Variants in MPDZ observed in about 807,000 individuals in gnomAD.
MPDZ encodes multiple PDZ domain protein.
Under a neutral mutation model 239.1 loss-of-function variants are expected in MPDZ, and 234 were observed. That is an observed-to-expected ratio of 0.98 (90% confidence interval 0.88 to 1.09). MPDZ has a LOEUF of 1.09. Ranked by LOEUF, MPDZ falls within the 50% of genes least tolerant of loss-of-function variation. The pLI is 0.00. For synonymous variants in MPDZ, 1,048 were observed against 881.3 expected, an observed-to-expected ratio of 1.19 and a Z score of -3.35; for missense variants, 3,175 against 2,510.0, an observed-to-expected ratio of 1.26 and a Z score of -5.66.
chr9:13,192,453 T>A (rs921775492), intron 14 of MPDZ, among the ~76,000 whole-genome samples, 158 bp from the exon 15 acceptor site: 20 of 152,166 alleles, frequency 1.3e-4, no homozygotes, highest in Non-Finnish European at 2.2e-4. Flanking sequence ...TATCTAAATT[T>A]ATGTGCAAGT....
In MPDZ at chr9:13,251,906, T is replaced by C. The variant is rs552891129; in HGVS notation, c.-57-1534A>G. 9.2e-5 allele frequency among the ~76,000 whole-genome samples: 14 copies of C among 152,322 alleles called. 1 individual carries two copies. In the South Asian group the frequency reaches 2.3e-3, roughly 25 times the overall value. On this transcript the variant is annotated intron_variant, in intron 1 of 46. Coordinates refer to ENST00000319217, the MANE Select transcript of MPDZ (RefSeq NM_001378778.1). ...AGAGGACACTGGCTCTGACCTGGAATTGAAACTTAAACAGAAGTGTGGCCT... is the reference window on the plus strand; with the variant it reads ...AGAGGACACTGGCTCTGACCTGGAACTGAAACTTAAACAGAAGTGTGGCCT...
At chr9:13,118,219 G>A (rs1211689278) in intron 39 of MPDZ, among the ~76,000 whole-genome samples, 1 of 151,904 alleles carries the variant, frequency 6.6e-6, no homozygotes, top group Admixed American at 6.6e-5. Context: ...TCTTTCTTTA[G>A]GATATATAAT....
At chr9:13,142,347 C>G (rs939924990) in intron 27 of MPDZ, among the ~76,000 whole-genome samples, 1 of 152,060 alleles carries the variant, frequency 6.6e-6, no homozygotes, top group Non-Finnish European at 1.5e-5. Context: ...ACTAATAAAA[C>G]CAATATAAGC....
chr9:13,187,031 A>G (rs1301544823), intron 17 of MPDZ, among the ~76,000 whole-genome samples: 3 of 152,248 alleles, frequency 2.0e-5, no homozygotes, highest in South Asian at 4.1e-4. Flanking sequence ...GCTGACAGAA[A>G]AGCTAACATA....
chr9:13,107,171 C>G lies in MPDZ; in HGVS notation c.6067-60G>C. 6.0e-6 allele frequency: 9 copies of G among 1,493,930 alleles called. No homozygotes were observed. In the South Asian group the frequency reaches 1.1e-4, roughly 18 times the overall value. The allele number at this position is 1,493,930 out of a possible 1,614,324, so 92.5% of individuals were successfully genotyped here. ...AAAAATGCTGCCTTGCAACTCACAA[C>G]AGAAAAAGATCTCAACAGGAATGTA... is the stretch of plus-strand genomic sequence containing the variant. On this transcript the variant is annotated intron_variant, in intron 46 of 46. Transcript: ENST00000319217.
At chr9:13,263,919 C>G (rs193090753) in intron 1 of MPDZ, among the ~76,000 whole-genome samples, 41 of 152,178 alleles carry the variant, frequency 2.7e-4, no homozygotes, top group African/African-American at 9.6e-4. Context: ...TAAGCTAATA[C>G]TAAATTATGG....
intron 12 of MPDZ, among the ~76,000 whole-genome samples, chr9:13,201,227 A>C (rs771671193): frequency 1.3e-5 from 2 of 152,070 alleles, no homozygotes; most frequent in Non-Finnish European, 2.9e-5. Flanking sequence ...ACATAAGTAT[A>C]GCCACTCCTG....
intron 25 of MPDZ, among the ~76,000 whole-genome samples, chr9:13,148,325 T>C (rs1005444136): frequency 6.6e-6 from 1 of 152,064 alleles, no homozygotes; most frequent in African/African-American, 2.4e-5. Context: ...ACACACTTTA[T>C]GAATAAGAAG....
Position 13,147,604 on chromosome 9 carries a change from G to C in MPDZ, c.3685C>G (p.Arg1229Gly). ...AAGACTACAGGGTTGCCTGCTTTCC[G>C]AATGGCTTCCACAGCTTGTTCATGG... is the stretch of plus-strand genomic sequence containing the variant. ...ASHEQAVEAI[R>G]KAGNPVVFMV... Residue 1229 changes from arginine (R) to glycine (G), a missense_variant, in exon 26 of 47, where the codon CGG (arginine) becomes GGG (glycine). Transcript: ENST00000319217. 1.2e-6 allele frequency: 2 copies of C among 1,612,330 alleles called. No homozygotes were observed. The highest frequency in any genetic ancestry group is 3.3e-4 in the Middle Eastern group (2 of 6,046).
chr9:13,132,821 G>C (rs1563867990), intron 32 of MPDZ, among the ~76,000 whole-genome samples: 1 of 152,076 alleles, frequency 6.6e-6, no homozygotes, highest in Non-Finnish European at 1.5e-5. Flanking sequence ...ATAGTGAGTG[G>C]CAAATCTAGG....
At chr9:13,110,159 T>C (rs1942206344) in intron 44 of MPDZ, 95 bp from the exon 45 acceptor site, 2 of 793,068 alleles carry the variant, frequency 2.5e-6, no homozygotes, top group Non-Finnish European at 4.1e-6. Flanking sequence ...TTAAAATGTA[T>C]ATTTTATTGT....
rs758962260 is a variant in MPDZ, at chr9:13,183,545, A to C, written c.2522T>G (p.Phe841Cys). The change falls in exon 19 of 47, where the codon TTT (phenylalanine) becomes TGT (cysteine). Residue 841 changes from phenylalanine to cysteine, a missense_variant. Physicochemically the swap from Phe to Cys is radical, Grantham distance 205 (BLOSUM62 -2). Transcript: ENST00000319217. Reference sequence around the variant, plus strand: ...ATTTTCAGGAGAGTATGGAGACTCAAATGTGGATTCATCTACTAAGTCAGC... The same window carrying C: ...ATTTTCAGGAGAGTATGGAGACTCACATGTGGATTCATCTACTAAGTCAGC... ...NDADLVDEST[F>C]ESPYSPENDS... is the part of the protein sequence containing the mutation. 5 of 1,612,598 alleles carry C rather than the reference A, an allele frequency of 3.1e-6. No individual in the cohort carries two copies. The Admixed American group carries it at 6.7e-5, about 22-fold the overall frequency.
chr9:13,249,103 TTCACAC>T (rs2137905461), intron 2 of MPDZ, among the ~76,000 whole-genome samples: 1 of 97,406 alleles, frequency 1.0e-5, no homozygotes, highest in East Asian at 2.6e-4. Flanking sequence ...TGATCATGGG[TTCACAC>T]ACACACACAC....
intron 3 of MPDZ, among the ~76,000 whole-genome samples, chr9:13,242,768 A>G (rs1965732813): frequency 6.6e-6 from 1 of 152,160 alleles, no homozygotes; most frequent in Non-Finnish European, 1.5e-5. Context: ...GGGGCTCCAT[A>G]CCAGGGTTTC....
intron 19 of MPDZ, among the ~76,000 whole-genome samples, chr9:13,179,155 T>C (rs1952932833): frequency 1.3e-5 from 2 of 152,138 alleles, no homozygotes; most frequent in Non-Finnish European, 2.9e-5. Flanking sequence ...AATTAACATC[T>C]GTAGTATCTT....
At chr9:13,253,966 A>C (rs1968767251) in intron 1 of MPDZ, among the ~76,000 whole-genome samples, 1 of 152,234 alleles carries the variant, frequency 6.6e-6, no homozygotes, top group Non-Finnish European at 1.5e-5. Flanking sequence ...AACTTGTCTA[A>C]GGCCACATCG....
intron 1 of MPDZ, among the ~76,000 whole-genome samples, chr9:13,252,521 G>A (rs1675746248): frequency 2.1e-5 from 3 of 144,510 alleles, no homozygotes; most frequent in Admixed American, 1.4e-4. Context: ...AGCCAAGATC[G>A]CGCCACAGCA....
Position 13,183,435 on chromosome 9 carries a change from G to A in MPDZ, c.2632C>T (p.Pro878Ser). The change falls in exon 19 of 47, where the codon CCA becomes TCA. Residue 878 changes from proline (P) to serine (S), a missense_variant. By Grantham distance (74) the Pro-to-Ser change is moderately conservative (BLOSUM62 -1). Coordinates refer to ENST00000319217, the MANE Select transcript of MPDZ (RefSeq NM_001378778.1). ...CTTTGTACCTTAGGAGGAGATGATGGAAGGGAAGAACCATAGTTCAGGCCA... is the reference window on the plus strand; with the variant it reads ...CTTTGTACCTTAGGAGGAGATGATGAAAGGGAAGAACCATAGTTCAGGCCA... ...GDGLNYGSSL[P>S]SSPPKDVIEN... 2 of 1,606,298 alleles carry A rather than the reference G, an allele frequency of 1.2e-6. No individual in the cohort carries two copies. The highest frequency in any genetic ancestry group is 1.7e-6 in the Non-Finnish European group (2 of 1,177,264).
intron 15 of MPDZ, among the ~76,000 whole-genome samples, chr9:13,191,668 C>A (rs1457785300): frequency 6.6e-6 from 1 of 152,088 alleles, no homozygotes; most frequent in Non-Finnish European, 1.5e-5. Context: ...AACTGTGTGC[C>A]AGGCAGAGTT....
Sources: allele counts gnomAD v4.1 joint callset (sites outside exome capture counted in the v4.1 genomes callset), GRCh38; gene constraint gnomAD v4.1.1; transcripts MANE v1.5; gene names NCBI Gene and HGNC (gene_info 2026-07-23, HGNC 2026-07-21).